CARMIL1: variants seen among roughly 807,000 people sequenced by gnomAD.
CARMIL1 encodes the protein capping protein regulator and myosin 1 linker 1, also known as F-actin-uncapping protein LRRC16A.
Under a neutral mutation model 177.1 loss-of-function variants are expected in CARMIL1, and 90 were observed. That is an observed-to-expected ratio of 0.51 (90% CI 0.43 to 0.61). The LOEUF (loss-of-function observed/expected upper bound fraction) is 0.61. Ranked by LOEUF, CARMIL1 falls within the 20% of genes least tolerant of loss-of-function variation. CARMIL1 has a pLI of 0.00. For missense variants in CARMIL1, 1,380 were observed against 1,667.0 expected (o/e 0.83, Z 3.00); for synonymous variants, 577 against 606.2 (o/e 0.95, Z 0.71).
At chr6:25,526,204 G>A (rs537988061) in intron 23 of CARMIL1, among the ~76,000 whole-genome samples, 4 of 149,874 alleles carry the variant, frequency 2.7e-5, no homozygotes, top group South Asian at 4.3e-4. Flanking sequence ...TAAGCCAGGC[G>A]TGGTGGTGGG....
At chr6:25,603,324 T>A (rs1202910388) in intron 33 of CARMIL1, among the ~76,000 whole-genome samples, 1 of 152,220 alleles carries the variant, frequency 6.6e-6, no homozygotes, top group Non-Finnish European at 1.5e-5. Flanking sequence ...TGTGCTTGTG[T>A]TAGCTGCAGT....
At chr6:25,353,877 T>G (rs190887350) in intron 2 of CARMIL1, among the ~76,000 whole-genome samples, 31 of 152,286 alleles carry the variant, frequency 2.0e-4, no homozygotes, top group Admixed American at 1.8e-3. Flanking sequence ...GAGGGATTAG[T>G]CTAAGAGTGC....
intron 2 of CARMIL1, among the ~76,000 whole-genome samples, chr6:25,360,933 G>A (rs934640537): frequency 3.3e-5 from 5 of 152,170 alleles, no homozygotes; most frequent in African/African-American, 7.2e-5. Context: ...GGCTGTCCCA[G>A]TTAAGTTGAG....
intron 35 of CARMIL1, among the ~76,000 whole-genome samples, chr6:25,607,975 C>T (rs1161958308): frequency 6.6e-6 from 1 of 152,110 alleles, no homozygotes; most frequent in Non-Finnish European, 1.5e-5. Context: ...TTTCTTGGTC[C>T]ATACACAATG....
At chr6:25,373,598 T>C (rs1790656072) in intron 2 of CARMIL1, among the ~76,000 whole-genome samples, 1 of 151,802 alleles carries the variant, frequency 6.6e-6, no homozygotes, top group African/African-American at 2.4e-5. Context: ...TCTTTTTTTT[T>C]TTTTTGACAG....
At chr6:25,471,377 T>C in intron 10 of CARMIL1, 120 bp downstream of exon 10, 1 of 601,080 alleles carries the variant, frequency 1.7e-6, no homozygotes, top group Non-Finnish European at 2.7e-6. Flanking sequence ...AGCAATGTTT[T>C]TCCTTCTGGG....
intron 2 of CARMIL1, among the ~76,000 whole-genome samples, chr6:25,391,927 C>T (rs1792857568): frequency 6.6e-6 from 1 of 152,202 alleles, no homozygotes; most frequent in Admixed American, 6.5e-5. Context: ...CCACATTCTT[C>T]TTCCAAACTG....
At chr6:25,588,284 T>A (rs1348667352) in intron 31 of CARMIL1, among the ~76,000 whole-genome samples, 2 of 152,238 alleles carry the variant, frequency 1.3e-5, no homozygotes, top group African/African-American at 2.4e-5. Context: ...AAACCTTTAC[T>A]ATGTTAAATC....
chr6:25,596,828 A>G (rs555152383), intron 32 of CARMIL1, among the ~76,000 whole-genome samples: 19 of 145,662 alleles, frequency 1.3e-4, no homozygotes, highest in African/African-American at 3.7e-4. Context: ...CTCAACCTGT[A>G]TACTCTGTCA....
intron 2 of CARMIL1, among the ~76,000 whole-genome samples, chr6:25,392,085 T>A (rs1792906996): frequency 8.2e-6 from 1 of 121,358 alleles, no homozygotes; most frequent in South Asian, 2.9e-4. Context: ...TGTGTGTGTG[T>A]GTGTGTGTGT....
intron 25 of CARMIL1, among the ~76,000 whole-genome samples, chr6:25,539,539 C>T (rs929970022): frequency 7.0e-6 from 1 of 142,980 alleles, no homozygotes; most frequent in African/African-American, 2.6e-5. Flanking sequence ...ACAGGAGAAT[C>T]GCTTGAACCC....
chr6:25,467,033 A>G (rs1980884), intron 9 of CARMIL1, among the ~76,000 whole-genome samples: 86,737 of 152,084 alleles, frequency 0.57, 24,856 homozygotes, highest in South Asian at 0.67. Context: ...GCTTATGAGA[A>G]TGTGTGGCTC....
chr6:25,589,125 C>T (rs1014188311), intron 31 of CARMIL1, among the ~76,000 whole-genome samples: 3 of 152,242 alleles, frequency 2.0e-5, no homozygotes, highest in Admixed American at 6.5e-5. Flanking sequence ...TTAAAAATCC[C>T]TACACAGCCA....
intron 2 of CARMIL1, among the ~76,000 whole-genome samples, chr6:25,339,033 AT>A (rs11334073): frequency 0.56 from 84,338 of 151,794 alleles, 23,705 homozygotes; most frequent in African/African-American, 0.64. Context: ...CCTTTTCATG[AT>A]TTTTTTTCTT....
chr6:25,399,016 C>T (rs1287442946), intron 2 of CARMIL1, among the ~76,000 whole-genome samples: 1 of 152,168 alleles, frequency 6.6e-6, no homozygotes, highest in Non-Finnish European at 1.5e-5. Context: ...AGTGCCTTGC[C>T]ACTTCTGGTT....
rs549321680 is a variant in CARMIL1 at position 25,461,741 on chromosome 6, A to T, written c.615-4132A>T. Reference sequence around the variant, plus strand: ...TCAAGTATCTGTTAAACCTAATAAGATGCTGTCAAACTGTTTTCCCCATTG... The same window carrying T: ...TCAAGTATCTGTTAAACCTAATAAGTTGCTGTCAAACTGTTTTCCCCATTG... On this transcript the variant is annotated intron_variant, in intron 8 of 36. Coordinates refer to ENST00000329474, the MANE Select transcript of CARMIL1 (RefSeq NM_017640.6). 3.9e-5 allele frequency among the ~76,000 whole-genome samples: 6 copies of T among 152,326 alleles called. 1 individual carries two copies. Among genetic ancestry groups the T allele is most frequent in the South Asian group, 4.1e-4 (2 of 4,830 alleles).
At position 25,426,487 on chromosome 6, in the gene CARMIL1, C is replaced by G; in HGVS notation, c.190-14C>G. 9 of 1,606,956 alleles carry G rather than the reference C, an allele frequency of 5.6e-6. No individual in the cohort carries two copies. The highest frequency in any genetic ancestry group is 6.8e-6 in the Non-Finnish European group (8 of 1,175,450). ...TTGCAGGTCTTTTCTTTCCTCCTTT[C>G]CCCTCAATTGCAGCTCGAGTTAACC... On this transcript the variant is annotated splice_polypyrimidine_tract_variant and intron_variant, in intron 3 of 36. Coordinates refer to ENST00000329474, the MANE Select transcript of CARMIL1 (RefSeq NM_017640.6).
intron 2 of CARMIL1, among the ~76,000 whole-genome samples, chr6:25,325,695 CAG>C (rs1561986531): frequency 6.6e-6 from 1 of 150,612 alleles, no homozygotes; most frequent in Non-Finnish European, 1.5e-5. Flanking sequence ...GTGTAGCAGA[CAG>C]TGTGCTGAAG....
At chr6:25,434,638 C>T (rs1797081275) in intron 4 of CARMIL1, among the ~76,000 whole-genome samples, 1 of 151,590 alleles carries the variant, frequency 6.6e-6, no homozygotes, top group African/African-American at 2.4e-5. Flanking sequence ...AATCTCGTGC[C>T]TCAGCCTCCT....
Sources: allele counts gnomAD v4.1 joint callset (sites outside exome capture counted in the v4.1 genomes callset), GRCh38; gene constraint gnomAD v4.1.1; transcripts MANE v1.5; gene names NCBI Gene and HGNC (gene_info 2026-07-23, HGNC 2026-07-21).